The following C16orf95 variants were observed in gnomAD, a reference collection of about 807,000 sequenced individuals.
C16orf95 encodes the protein uncharacterized protein C16orf95.
C16orf95 carries 41 observed loss-of-function variants against 32.1 expected under a neutral mutation model. The observed-to-expected ratio is 1.28, with a 90% CI of 1.00 to 1.66. The LOEUF (loss-of-function observed/expected upper bound fraction) is 1.66, where lower values mean the gene tolerates loss of function less well. Among genes scored for constraint, C16orf95 ranks in the 40% most tolerant of loss-of-function variants. The probability of loss-of-function intolerance (pLI) is 0.00; values close to 1 mark genes in which losing one functional copy is unlikely to be tolerated. For synonymous variants in C16orf95, 147 were observed against 128.9 expected, an observed-to-expected ratio of 1.14 and a Z score of -0.95; for missense variants, 399 against 325.9, an observed-to-expected ratio of 1.22 and a Z score of -1.73.
At chr16:87,316,000 C>T (rs530643906) in intron 1 of C16orf95, among the ~76,000 whole-genome samples, 177 bp from the exon 2 acceptor site, 4 of 152,228 alleles carry the variant, frequency 2.6e-5, no homozygotes, top group Non-Finnish European at 4.4e-5. Context: ...CAGAAGCAGG[C>T]GTGTGCTAGC....
At position 87,317,332 on chromosome 16, in the gene C16orf95, A is replaced by T; in HGVS notation, c.-90T>A. ...TCCCGCCTTTCCCTCCTGCCCCAGG[A>T]GGAACCCAACCCGAGCTCAACCCCA... On this transcript the variant is annotated 5_prime_UTR_variant, in exon 1 of 7. Coordinates refer to ENST00000567970, the MANE Select transcript of C16orf95 (RefSeq NM_001195124.3). The T allele has an allele frequency of 6.9e-7, 1 of 1,440,022 alleles. No individual in the cohort carries two copies. The highest frequency in any genetic ancestry group is 9.1e-7 in the Non-Finnish European group (1 of 1,096,396). The allele number at this position is 1,440,022 out of a possible 1,614,324, so 89.2% of individuals were successfully genotyped here. A position where few individuals can be genotyped will look rare whatever the true frequency, so the allele number is the denominator to read the frequency against.
intron 5 of C16orf95, among the ~76,000 whole-genome samples, chr16:87,308,131 C>G (rs1204969784): frequency 1.3e-5 from 2 of 152,166 alleles, no homozygotes; most frequent in Non-Finnish European, 2.9e-5. Context: ...TCTGGTGGAG[C>G]TTTCCAGAGT....
chr16:87,311,899 A>G (rs1911300323), intron 3 of C16orf95, among the ~76,000 whole-genome samples: 1 of 152,238 alleles, frequency 6.6e-6, no homozygotes, highest in Non-Finnish European at 1.5e-5. Context: ...ATCGGGCAAC[A>G]GGGTATAGGC....
At chr16:87,311,414 C>T (rs986145184) in intron 3 of C16orf95, 118 bp from the exon 4 acceptor site, 34 of 1,119,020 alleles carry the variant, frequency 3.0e-5, no homozygotes, top group Non-Finnish European at 4.2e-5. Flanking sequence ...AGTATCAGGG[C>T]AGGCCCTGGA....
intron 3 of C16orf95, 54 bp from the exon 4 acceptor site, chr16:87,311,350 C>A: frequency 1.4e-6 from 2 of 1,458,796 alleles, no homozygotes; most frequent in Non-Finnish European, 1.8e-6. Flanking sequence ...CCATGCCTGT[C>A]CCCAATGACT....
chr16:87,305,805 G>A lies in C16orf95; in HGVS notation c.615C>T (p.Asp205=). Residue 205 remains aspartate (D), a synonymous_variant, in exon 6 of 7, where the codon GAC becomes GAT. Coordinates refer to ENST00000567970, the MANE Select transcript of C16orf95 (RefSeq NM_001195124.3). This position sits in a 1 kb window ranked among gnomAD's most constrained non-coding sequence, Gnocchi z 4.2. Reference sequence around the variant, plus strand: ...GACGCGCTGCAGGAGCCGGTAGCTGGTCCTGGTAGGGGGCCTGGAGCTGCT... The same window carrying A: ...GACGCGCTGCAGGAGCCGGTAGCTGATCCTGGTAGGGGGCCTGGAGCTGCT... ...KFQQLQAPYQ[D]QLPAPAARLL... 1 of 1,514,558 alleles carries A rather than the reference G, an allele frequency of 6.6e-7. No homozygotes were observed. The highest frequency in any genetic ancestry group is 8.8e-7 in the Non-Finnish European group (1 of 1,136,492). The allele number at this position is 1,514,558 out of a possible 1,614,324, so 93.8% of individuals were successfully genotyped here. A position where few individuals can be genotyped will look rare whatever the true frequency, so the allele number is the denominator to read the frequency against.
At position 87,311,243 on chromosome 16, in the gene C16orf95, G is replaced by A. The variant is rs899360354; in HGVS notation, c.384C>T (p.Cys128=). Residue 128 remains cysteine, a synonymous_variant, in exon 4 of 7, where the codon TGC becomes TGT. Coordinates refer to ENST00000567970, the MANE Select transcript of C16orf95 (RefSeq NM_001195124.3). The stretch of plus-strand genomic sequence containing the variant: ...GGCGGCCCCCAAAGCGGTGGCATAG[G>A]CAGGGGCACATCTTGGCGGTTTGGG... The part of the protein sequence containing the change: ...PIPQTAKMCP[C]LCHRFGGRLP... 38 of 1,535,702 alleles carry A rather than the reference G, an allele frequency of 2.5e-5. No individual in the cohort carries two copies. The highest frequency in any genetic ancestry group is 1.7e-4 in the Middle Eastern group (1 of 6,008).
intron 3 of C16orf95, among the ~76,000 whole-genome samples, chr16:87,313,219 G>C (rs1597346907): frequency 6.8e-6 from 1 of 147,552 alleles, no homozygotes; most frequent in African/African-American, 2.5e-5. Context: ...GAAAAGCCAA[G>C]TCTGAAAAAG....
At chr16:87,309,617 C>T (rs1911190651) in intron 5 of C16orf95, among the ~76,000 whole-genome samples, 1 of 151,962 alleles carries the variant, frequency 6.6e-6, no homozygotes, top group Non-Finnish European at 1.5e-5. Flanking sequence ...CTCCTAAGCT[C>T]GGGCATTCCA....
rs1904390589 is a variant in C16orf95, at chr16:87,317,230, G to C, written c.13C>G (p.Arg5Gly). The C allele has an allele frequency of 1.3e-6, 2 of 1,527,002 alleles. No homozygotes were observed. Among genetic ancestry groups the C allele is most frequent in the Admixed American group, 2.0e-5 (1 of 49,780 alleles). The allele number at this position is 1,527,002 out of a possible 1,614,324, so 94.6% of individuals were successfully genotyped here. MRAS[R>G]SPPSPRRCHH... ...CAACGCCGCGGGGACGGTGGGGACCGGCTCGCACGCATATGGCTTCTTATG... is the reference window on the plus strand; with the variant it reads ...CAACGCCGCGGGGACGGTGGGGACCCGCTCGCACGCATATGGCTTCTTATG... The change falls in exon 1 of 7, where the codon CGG (arginine) becomes GGG (glycine). Residue 5 changes from arginine (R) to glycine (G), a missense_variant. Physicochemically the swap from Arg to Gly is moderately radical, Grantham distance 125 (BLOSUM62 -2). Coordinates refer to ENST00000567970, the MANE Select transcript of C16orf95 (RefSeq NM_001195124.3).
intron 3 of C16orf95, among the ~76,000 whole-genome samples, chr16:87,313,855 C>A (rs1008365347): frequency 2.6e-5 from 4 of 152,050 alleles, no homozygotes; most frequent in Non-Finnish European, 5.9e-5. Flanking sequence ...TTTAAAAAAG[C>A]AATTCTTTTA....
chr16:87,317,142 C>T lies in C16orf95; in HGVS notation c.101G>A (p.Gly34Glu), dbSNP rs1211576919. 1.3e-6 allele frequency: 2 copies of T among 1,534,174 alleles called. No homozygotes were observed. The highest frequency in any genetic ancestry group is 2.7e-5 in the African/African-American group (2 of 73,008). The change falls in exon 1 of 7, where the codon GGG (glycine) becomes GAG (glutamate). Residue 34 changes from glycine (G) to glutamate (E), a missense_variant. Coordinates refer to ENST00000567970, the MANE Select transcript of C16orf95 (RefSeq NM_001195124.3). ...SGAAAGGPGAGCVGLCRLALT... is the reference protein window; with the variant it reads ...SGAAAGGPGAECVGLCRLALT... ...TGCCAACCTGCAGAGCCCGACGCAC[C>T]CCGCGCCCGGCCCCCCGGCAGCAGC...
intron 1 of C16orf95, 114 bp from the exon 2 acceptor site, chr16:87,315,937 G>A (rs1337738744): frequency 1.7e-5 from 10 of 593,320 alleles, no homozygotes; most frequent in Non-Finnish European, 2.4e-5. Flanking sequence ...AAAGCCCACG[G>A]GTGGTGGGGA....
chr16:87,314,998 G>A lies in C16orf95; in HGVS notation c.303C>T (p.Val101=). Residue 101 remains valine, a synonymous_variant, in exon 3 of 7, where the codon GTC becomes GTT. Transcript: ENST00000567970. ...SRVEAALPYW[V]PLSLRPRKQS... is the part of the protein sequence containing the mutation. Reference sequence around the variant, plus strand: ...GCTTTCGGGGTCTCAGGGACAGAGGGACCCAGTAAGGCAGTGCTGCTTCCA... The same window carrying A: ...GCTTTCGGGGTCTCAGGGACAGAGGAACCCAGTAAGGCAGTGCTGCTTCCA... 3 of 1,536,130 alleles carry A rather than the reference G, an allele frequency of 2.0e-6. No homozygotes were observed. Among genetic ancestry groups the A allele is most frequent in the South Asian group, 2.4e-5 (2 of 84,064 alleles).
At chr16:87,303,394 G>A (rs907625822) in intron 6 of C16orf95, 1 of 304,554 alleles carries the variant, frequency 3.3e-6, no homozygotes, top group African/African-American at 2.1e-5. Context: ...CCCTGCTCTT[G>A]GGGGCTCCCT....
chr16:87,311,172 T>C lies in C16orf95; in HGVS notation c.455A>G (p.Gln152Arg). The C allele has an allele frequency of 1.3e-6, 2 of 1,533,552 alleles. No homozygotes were observed. Among genetic ancestry groups the C allele is most frequent in the Non-Finnish European group, 8.7e-7 (1 of 1,145,008 alleles). The allele number at this position is 1,533,552 out of a possible 1,614,324, so 95.0% of individuals were successfully genotyped here. ...DQAVMPYWVP[Q>R]VLRSQQQIVR... ...TACCTGCTGCTGAGACCTCAGGACC[T>C]GGGGCACCCAGTAGGGCATCACTGC... The change falls in exon 4 of 7, where the codon CAG becomes CGG. Residue 152 changes from glutamine (Q) to arginine (R), a missense_variant. Gln to Arg is a conservative substitution (Grantham distance 43, BLOSUM62 1). Transcript: ENST00000567970.
chr16:87,312,020 C>T (rs1911304906), intron 3 of C16orf95, among the ~76,000 whole-genome samples: 1 of 152,176 alleles, frequency 6.6e-6, no homozygotes, highest in South Asian at 2.1e-4. Context: ...CTACCATTTG[C>T]ATTTTTCAAA....
chr16:87,313,993 T>G (rs910070021), intron 3 of C16orf95, among the ~76,000 whole-genome samples: 1 of 152,114 alleles, frequency 6.6e-6, no homozygotes, highest in African/African-American at 2.4e-5. Context: ...AGATACCCAT[T>G]AAGATGGCTC....
chr16:87,305,763 G>C lies in C16orf95; in HGVS notation c.657C>G (p.Leu219=). The change falls in exon 6 of 7, where the codon CTC becomes CTG. Residue 219 remains leucine, a synonymous_variant. Coordinates refer to ENST00000567970, the MANE Select transcript of C16orf95 (RefSeq NM_001195124.3). This position sits in a 1 kb window ranked among gnomAD's most constrained non-coding sequence, Gnocchi z 4.2. ...TCGGGATGGCCTGGAGGAGGGTCAG[G>C]AGGCCGAGGGGCAGCAGACGCGCTG... ...APAARLLPLG[L]LTLLQAIPRV... The C allele has an allele frequency of 6.6e-7, 1 of 1,519,482 alleles. No homozygotes were observed. Among genetic ancestry groups the C allele is most frequent in the Admixed American group, 2.0e-5 (1 of 49,534 alleles). 94.1% of individuals were successfully genotyped at this position (1,519,482 alleles called of 1,614,324 possible). A position where few individuals can be genotyped will look rare whatever the true frequency, so the allele number is the denominator to read the frequency against.
Sources: allele counts gnomAD v4.1 joint callset (sites outside exome capture counted in the v4.1 genomes callset), GRCh38; gene constraint gnomAD v4.1.1; non-coding constraint Gnocchi (gnomAD v3.1); transcripts MANE v1.5; gene names NCBI Gene and HGNC (gene_info 2026-07-23, HGNC 2026-07-21).